The following PMS1 variants were observed in gnomAD, a reference collection of about 807,000 sequenced individuals.
PMS1 encodes the protein PMS1 protein homolog 1.
In PMS1, 79 loss-of-function variants were observed where a neutral mutation model predicts 93.1. The observed-to-expected ratio is 0.85, with a 90% CI of 0.71 to 1.02. The LOEUF (loss-of-function observed/expected upper bound fraction) is 1.02, where lower values mean the gene tolerates loss of function less well. Among genes scored for constraint, PMS1 ranks in the 50% least tolerant of loss-of-function variants. The pLI is 0.00. For synonymous variants in PMS1, 335 were observed against 363.4 expected (o/e 0.92, Z 0.89); for missense variants, 1,064 against 1,085.3 (o/e 0.98, Z 0.28).
intron 3 of PMS1, among the ~76,000 whole-genome samples, chr2:189,799,618 C>A (rs2049696606): frequency 6.6e-6 from 1 of 152,222 alleles, no homozygotes; most frequent in African/African-American, 2.4e-5. Flanking sequence ...AAATACAGAG[C>A]TAGCTGGAAG....
chr2:189,848,162 C>T (rs1223376535), intron 6 of PMS1, among the ~76,000 whole-genome samples: 3 of 152,174 alleles, frequency 2.0e-5, no homozygotes, highest in Admixed American at 6.6e-5. Context: ...CTCGTAGCTT[C>T]GTGGTACTTT....
intron 2 of PMS1, among the ~76,000 whole-genome samples, chr2:189,793,797 C>T (rs1424791424): frequency 6.6e-6 from 1 of 152,196 alleles, no homozygotes; most frequent in Non-Finnish European, 1.5e-5. Flanking sequence ...AGATATACAC[C>T]TTAAATGTGT....
chr2:189,863,258 G>T lies in PMS1; in HGVS notation c.1857-485G>T, dbSNP rs866593481. Among the ~76,000 whole-genome samples, 148 of 141,438 alleles carry T rather than the reference G, an allele frequency of 1.0e-3. 1 individual carries two copies. Among genetic ancestry groups the T allele is most frequent in the Middle Eastern group, 3.6e-3 (1 of 276 alleles). The allele number at this position is 141,438 out of a possible 152,430, so 92.8% of individuals were successfully genotyped here. ...TTTTTCTTTTTGGTGTTTTTTTTTG[G>T]TTTTTTTTTTTTTGAGACAGAGTCT... On this transcript the variant is annotated intron_variant, in intron 9 of 12. Transcript: ENST00000441310.
chr2:189,791,262 C>T (rs2048841851), intron 1 of PMS1, among the ~76,000 whole-genome samples: 1 of 151,992 alleles, frequency 6.6e-6, no homozygotes, highest in South Asian at 2.1e-4. Flanking sequence ...TTTCTTTATG[C>T]CTTAGTAGTT....
At chr2:189,799,349 C>T (rs1051661713) in intron 3 of PMS1, among the ~76,000 whole-genome samples, 1 of 152,034 alleles carries the variant, frequency 6.6e-6, no homozygotes, top group African/African-American at 2.4e-5. Flanking sequence ...CACACACACA[C>T]CTACACTAAC....
Position 189,791,926 on chromosome 2 carries a change from C to T in PMS1, c.117C>T (p.Ser39=), listed in dbSNP as rs777358818. 1.3e-5 allele frequency: 21 copies of T among 1,613,882 alleles called. No individual in the cohort carries two copies. Among genetic ancestry groups the T allele is most frequent in the Admixed American group, 8.3e-5 (5 of 60,010 alleles). Residue 39 remains serine, a synonymous_variant, in exon 2 of 13, where the codon AGC becomes AGT. Coordinates refer to ENST00000441310, the MANE Select transcript of PMS1 (RefSeq NM_000534.5). Reference sequence around the variant, plus strand: ...ACTCCTTGGATGCTGGTGCCACAAGCGTAGATGTTAAACTGGTGAGTGTCC... The same window carrying T: ...ACTCCTTGGATGCTGGTGCCACAAGTGTAGATGTTAAACTGGTGAGTGTCC... ...IENSLDAGAT[S]VDVKLENYGF...
intron 3 of PMS1, among the ~76,000 whole-genome samples, chr2:189,803,305 G>C (rs567298540): frequency 1.3e-5 from 2 of 152,188 alleles, no homozygotes; most frequent in African/African-American, 2.4e-5. Flanking sequence ...ATGTTTATCT[G>C]AAGTTTAAAT....
chr2:189,871,427 G>C (rs1477000600), intron 11 of PMS1, among the ~76,000 whole-genome samples: 1 of 152,216 alleles, frequency 6.6e-6, no homozygotes, highest in African/African-American at 2.4e-5. Flanking sequence ...CCACAGGTTA[G>C]ACAAGCTTGC....
intron 10 of PMS1, among the ~76,000 whole-genome samples, chr2:189,864,947 A>G (rs1328437349): frequency 6.6e-6 from 1 of 151,324 alleles, no homozygotes; most frequent in Non-Finnish European, 1.5e-5. Context: ...TATACGATGC[A>G]TACCTTTATC....
chr2:189,790,269 G>C (rs2048732862), intron 1 of PMS1, among the ~76,000 whole-genome samples: 2 of 152,268 alleles, frequency 1.3e-5, no homozygotes, highest in South Asian at 4.1e-4. Flanking sequence ...GTTTAAATGA[G>C]ACTGTTGGTA....
chr2:189,854,017 G>C lies in PMS1; in HGVS notation c.901G>C (p.Val301Leu), dbSNP rs1201581438. 2 of 1,608,730 alleles carry C rather than the reference G, an allele frequency of 1.2e-6. No homozygotes were observed. The highest frequency in any genetic ancestry group is 8.5e-7 in the Non-Finnish European group (1 of 1,177,068). The change falls in exon 8 of 13, where the codon GTT becomes CTT. Residue 301 changes from valine (V) to leucine (L), a missense_variant. Transcript: ENST00000441310. ...LYPVFFLKID[V>L]PTADVDVNLT... ...TCCTGTTTTCTTTCTGAAAATCGAT[G>C]TTCCTACAGCTGATGTTGATGTAAA...
chr2:189,812,880 G>A (rs1476327771), intron 4 of PMS1, among the ~76,000 whole-genome samples: 3 of 152,176 alleles, frequency 2.0e-5, no homozygotes, highest in East Asian at 1.9e-4. Context: ...AAGTGGTAGC[G>A]TAGGTGTTAG....
Position 189,795,952 on chromosome 2 carries a change from G to A in PMS1, c.315+1G>A. 1.3e-6 allele frequency: 2 copies of A among 1,593,692 alleles called. No individual in the cohort carries two copies. Among genetic ancestry groups the A allele is most frequent in the Non-Finnish European group, 1.7e-6 (2 of 1,161,464 alleles). ...GGGGTCAATTTGTTGTATAGCTGAG[G>A]TAAGGTAATTATATTGGTTATTTTA... On this transcript the variant is annotated splice_donor_variant, in intron 3 of 12. Transcript: ENST00000441310. LOFTEE classifies it high-confidence loss of function.
chr2:189,810,481 C>T (rs867320562), intron 4 of PMS1, among the ~76,000 whole-genome samples: 1 of 152,098 alleles, frequency 6.6e-6, no homozygotes, highest in Admixed American at 6.5e-5. Context: ...AATAAGGGAG[C>T]TTTTATGGTA....
chr2:189,867,019 A>G (rs1039721883), intron 10 of PMS1, among the ~76,000 whole-genome samples: 1 of 152,240 alleles, frequency 6.6e-6, no homozygotes, highest in Non-Finnish European at 1.5e-5. Flanking sequence ...GGGGTCTTCA[A>G]CCATTCAGAG....
intron 11 of PMS1, among the ~76,000 whole-genome samples, chr2:189,869,695 T>TA (rs1393165075): frequency 6.6e-6 from 1 of 152,032 alleles, no homozygotes; most frequent in Non-Finnish European, 1.5e-5. Context: ...CAGGTGCCTA[T>TA]GATCCCAGCT....
intron 5 of PMS1, among the ~76,000 whole-genome samples, chr2:189,820,350 G>A (rs1433383334): frequency 6.6e-6 from 1 of 151,910 alleles, no homozygotes; most frequent in African/African-American, 2.4e-5. Context: ...TGTCACCCAG[G>A]CTGGAGTGCA....
At chr2:189,830,740 A>G (rs187169812) in intron 5 of PMS1, among the ~76,000 whole-genome samples, 1 of 152,230 alleles carries the variant, frequency 6.6e-6, no homozygotes, top group Non-Finnish European at 1.5e-5. Context: ...GGAGCACTCC[A>G]TTATGCTGGT....
Position 189,795,766 on chromosome 2 carries a change from TAGG to T in PMS1, c.133_135del (p.Glu45del). On this transcript the variant is annotated splice_acceptor_variant and coding_sequence_variant, in exon 3 of 13. Transcript: ENST00000441310. LOFTEE classifies it high-confidence loss of function. ...ATTAAAAGTGTTTTTTGACATTTTA[TAGG>T]AGAACTATGGATTTGATAAAATTGA... is the stretch of plus-strand genomic sequence containing the variant. 1.9e-6 allele frequency: 3 copies of T among 1,611,138 alleles called. No homozygotes were observed. The highest frequency in any genetic ancestry group is 2.2e-5 in the East Asian group (1 of 44,846).
Sources: allele counts gnomAD v4.1 joint callset (sites outside exome capture counted in the v4.1 genomes callset), GRCh38; gene constraint gnomAD v4.1.1; transcripts MANE v1.5; gene names NCBI Gene and HGNC (gene_info 2026-07-23, HGNC 2026-07-21).